The following FBN1 variants were observed in gnomAD, a reference collection of about 807,000 sequenced individuals.
FBN1 encodes fibrillin-1.
Under a neutral mutation model 365.1 loss-of-function variants are expected in FBN1, and 29 were observed. That is an observed-to-expected ratio of 0.08 (90% confidence interval 0.06 to 0.11). The LOEUF is 0.11. FBN1 is among the 10% of genes least tolerant of loss of function. FBN1 has a pLI of 1.00. For synonymous variants in FBN1, 1,210 were observed against 1,270.5 expected, an observed-to-expected ratio of 0.95 and a Z score of 1.01; for missense variants, 2,476 against 3,703.2, an observed-to-expected ratio of 0.67 and a Z score of 8.60.
chr15:48,452,411 T>C, intron 45 of FBN1, 151 bp downstream of exon 45: 4 of 897,996 alleles, frequency 4.5e-6, no homozygotes. Context: ...AATATCCCTT[T>C]TTCCAATTTA....
At chr15:48,527,283 T>C (rs925556113) in intron 8 of FBN1, among the ~76,000 whole-genome samples, 3 of 152,214 alleles carry the variant, frequency 2.0e-5, no homozygotes, top group Non-Finnish European at 2.9e-5. Flanking sequence ...AGGACAAATA[T>C]GGCCATTTCC....
At chr15:48,413,290 G>A (rs945439291) in intron 64 of FBN1, among the ~76,000 whole-genome samples, 24 of 151,660 alleles carry the variant, frequency 1.6e-4, no homozygotes, top group East Asian at 5.9e-4. Flanking sequence ...AGAAAGCTCC[G>A]GTTGATAATG....
At chr15:48,461,566 GAT>G (rs1011956191) in intron 42 of FBN1, among the ~76,000 whole-genome samples, 6 of 145,898 alleles carry the variant, frequency 4.1e-5, no homozygotes, top group Non-Finnish European at 8.9e-5. Flanking sequence ...CACATACATA[GAT>G]ATATATACAT....
chr15:48,428,300 A>C (rs770243450), intron 57 of FBN1, 46 bp downstream of exon 57: 1 of 1,607,826 alleles, frequency 6.2e-7, no homozygotes, highest in East Asian at 2.2e-5. Flanking sequence ...CCAGCATCCC[A>C]GTGTGGAGGC....
chr15:48,472,510 TCAAGC>T (rs2043384354), intron 35 of FBN1, 36 bp downstream of exon 35: 1 of 1,312,500 alleles, frequency 7.6e-7, no homozygotes, highest in African/African-American at 1.5e-5. Flanking sequence ...CCTAATCTCA[TCAAGC>T]CCAGCAAGGC....
At position 48,411,071 on chromosome 15, in the gene FBN1, T is replaced by C; in HGVS notation, c.8535A>G (p.Leu2845=). Residue 2845 remains leucine, a synonymous_variant, in exon 66 of 66, where the codon CTA becomes CTG. Transcript: ENST00000316623. ...GGTAGTCTTTGTCATATTTGTCTTCTAGTTGGTTAAGTTCTTTCTTTTTAT... is the reference window on the plus strand; with the variant it reads ...GGTAGTCTTTGTCATATTTGTCTTCCAGTTGGTTAAGTTCTTTCTTTTTAT... ...PLYKKKELNQ[L]EDKYDKDYLS... The C allele has an allele frequency of 1.2e-6, 2 of 1,613,972 alleles. No homozygotes were observed. The highest frequency in any genetic ancestry group is 1.7e-6 in the Non-Finnish European group (2 of 1,179,940).
intron 60 of FBN1, among the ~76,000 whole-genome samples, chr15:48,424,808 CT>C (rs1203361090): frequency 6.6e-6 from 1 of 152,160 alleles, no homozygotes; most frequent in Non-Finnish European, 1.5e-5. Context: ...AGGATAACTT[CT>C]GGTTGAGAAG....
Position 48,474,589 on chromosome 15 carries a change from T to C in FBN1, c.4026A>G (p.Thr1342=), listed in dbSNP as rs752154066. 5 of 1,614,214 alleles carry C rather than the reference T, an allele frequency of 3.1e-6. No individual in the cohort carries two copies. The East Asian group carries it at 8.9e-5, about 29-fold the overall frequency. ...NCGKHAVCTN[T]AGSFKCSCSP... is the part of the protein sequence containing the mutation. ...TGCAGCTACATTTGAAGCTTCCTGC[T>C]GTATTGGTACATACAGCATGTTTGC... The change falls in exon 33 of 66, where the codon ACA becomes ACG. Residue 1342 remains threonine (T), a synonymous_variant. Coordinates refer to ENST00000316623, the MANE Select transcript of FBN1 (RefSeq NM_000138.5).
At chr15:48,596,608 C>T (rs550035738) in intron 5 of FBN1, among the ~76,000 whole-genome samples, 117 of 152,286 alleles carry the variant, frequency 7.7e-4, no homozygotes, top group African/African-American at 2.6e-3. Flanking sequence ...GGTCTCATTC[C>T]GTGAAGCATC....
intron 49 of FBN1, among the ~76,000 whole-genome samples, chr15:48,442,752 A>G (rs2043126360): frequency 6.6e-6 from 1 of 152,226 alleles, no homozygotes; most frequent in Non-Finnish European, 1.5e-5. Flanking sequence ...ACCTATGGAA[A>G]AATATGCCCA....
chr15:48,617,214 G>A (rs575773603), intron 2 of FBN1, among the ~76,000 whole-genome samples: 104 of 151,744 alleles, frequency 6.9e-4, no homozygotes, highest in African/African-American at 2.3e-3. Flanking sequence ...TCGCTCTGTC[G>A]CCCAGGCTGG....
chr15:48,412,281 G>A (rs1174281868), intron 65 of FBN1, among the ~76,000 whole-genome samples: 1 of 152,198 alleles, frequency 6.6e-6, no homozygotes, highest in Admixed American at 6.5e-5. Context: ...CTGGATCTCA[G>A]ACCTTATCCT....
intron 55 of FBN1, among the ~76,000 whole-genome samples, 153 bp downstream of exon 55, chr15:48,432,713 T>G (rs932314384): frequency 6.6e-6 from 1 of 152,148 alleles, no homozygotes; most frequent in African/African-American, 2.4e-5. Flanking sequence ...AGCTACAATT[T>G]AGGGGGAAAC....
chr15:48,579,311 T>G (rs964819622), intron 6 of FBN1, among the ~76,000 whole-genome samples: 6 of 152,300 alleles, frequency 3.9e-5, no homozygotes, highest in African/African-American at 1.2e-4. Flanking sequence ...AAATTCCATA[T>G]CAGCTGAATT....
In FBN1 at chr15:48,441,670, C is replaced by T. The variant is rs370095828; in HGVS notation, c.6163+51G>A. The stretch of plus-strand genomic sequence containing the variant: ...TTGCCATGTTTGAAAAATAAGACCA[C>T]CACAAATAAACATGCAGCATTGAAA... On this transcript the variant is annotated intron_variant, in intron 50 of 65. Coordinates refer to ENST00000316623, the MANE Select transcript of FBN1 (RefSeq NM_000138.5). 160 of 1,610,844 alleles carry T rather than the reference C, an allele frequency of 9.9e-5. 1 individual carries two copies. The highest frequency in any genetic ancestry group is 1.3e-4 in the Admixed American group (8 of 59,944).
intron 2 of FBN1, chr15:48,641,389 T>A (rs1247519977): frequency 6.6e-6 from 1 of 151,992 alleles, no homozygotes; most frequent in Admixed American, 6.5e-5. Flanking sequence ...ATGAGGCAGT[T>A]TTCTAATCTA....
In FBN1 at chr15:48,468,396, G is replaced by C; in HGVS notation, c.4582+16C>G. 1 of 1,613,782 alleles carries C rather than the reference G, an allele frequency of 6.2e-7. No individual in the cohort carries two copies. Among genetic ancestry groups the C allele is most frequent in the Non-Finnish European group, 8.5e-7 (1 of 1,179,996 alleles). ...CACAGTATGCTTGCTTCTCTGAAAAGTTTTTAAGGTCTTACCAACACAGCC... is the reference window on the plus strand; with the variant it reads ...CACAGTATGCTTGCTTCTCTGAAAACTTTTTAAGGTCTTACCAACACAGCC... On this transcript the variant is annotated intron_variant, in intron 37 of 65. Coordinates refer to ENST00000316623, the MANE Select transcript of FBN1 (RefSeq NM_000138.5).
At chr15:48,616,970 G>A (rs923935049) in intron 2 of FBN1, among the ~76,000 whole-genome samples, 8 of 151,968 alleles carry the variant, frequency 5.3e-5, no homozygotes, top group Non-Finnish European at 1.0e-4. Flanking sequence ...TAGCTTAGAC[G>A]TGTCTAATGG....
chr15:48,471,512 G>A (rs1339892928), intron 35 of FBN1, among the ~76,000 whole-genome samples: 1 of 152,152 alleles, frequency 6.6e-6, no homozygotes, highest in Non-Finnish European at 1.5e-5. Flanking sequence ...AGTAAACAAG[G>A]TATTAGGCAC....
Sources: allele counts gnomAD v4.1 joint callset (sites outside exome capture counted in the v4.1 genomes callset), GRCh38; gene constraint gnomAD v4.1.1; transcripts MANE v1.5; gene names NCBI Gene and HGNC (gene_info 2026-07-23, HGNC 2026-07-21).